NECTIN3: variants seen among roughly 807,000 people sequenced by gnomAD.
NECTIN3 encodes the protein nectin cell adhesion molecule 3.
Under a neutral mutation model 49.4 loss-of-function variants are expected in NECTIN3, and 8 were observed. The observed-to-expected ratio is 0.16, with a 90% CI of 0.10 to 0.29. The LOEUF (loss-of-function observed/expected upper bound fraction) is 0.29, where lower values mean the gene tolerates loss of function less well. Ranked by LOEUF, NECTIN3 falls within the 10% of genes least tolerant of loss-of-function variation. The pLI is 1.00. For synonymous variants in NECTIN3, 277 were observed against 241.1 expected, an observed-to-expected ratio of 1.15 and a Z score of -1.38; for missense variants, 581 against 654.6, an observed-to-expected ratio of 0.89 and a Z score of 1.23.
chr3:111,170,156 G>A (rs539417223), intron 7 of NECTIN3, among the ~76,000 whole-genome samples: 40 of 152,170 alleles, frequency 2.6e-4, no homozygotes, highest in African/African-American at 7.5e-4. Context: ...ATAAATCTCC[G>A]GCTGTGTTCT....
At chr3:111,119,268 A>G (rs2033839961) in intron 3 of NECTIN3, among the ~76,000 whole-genome samples, 1 of 152,144 alleles carries the variant, frequency 6.6e-6, no homozygotes, top group Non-Finnish European at 1.5e-5. Context: ...TCTACATTCT[A>G]ATTAATTGAG....
Position 111,118,840 on chromosome 3 carries a change from C to T in NECTIN3, c.687C>T (p.Ser229=), listed in dbSNP as rs146312631. The T allele has an allele frequency of 2.5e-5, 40 of 1,614,104 alleles. No individual in the cohort carries two copies. The African/African-American group carries it at 4.8e-4, about 19-fold the overall frequency. ...SFPNETATII[S]QYKLFPTRFA... ...CAAATGAAACGGCAACGATTATCAG[C>T]CAGTACAAGCTATTTCCAACCAGAT... Residue 229 remains serine (S), a synonymous_variant, in exon 3 of 6, where the codon AGC becomes AGT. Coordinates refer to ENST00000485303, the MANE Select transcript of NECTIN3 (RefSeq NM_015480.3).
chr3:111,094,075 AAAAC>A (rs1193843978), intron 1 of NECTIN3, among the ~76,000 whole-genome samples: 7 of 152,160 alleles, frequency 4.6e-5, no homozygotes, highest in South Asian at 2.1e-4. Flanking sequence ...GGAAAAGACA[AAAAC>A]AAACTGTGGC....
At chr3:111,185,714 G>C (rs1257373685) in intron 7 of NECTIN3, among the ~76,000 whole-genome samples, 3 of 152,154 alleles carry the variant, frequency 2.0e-5, no homozygotes, top group South Asian at 2.1e-4. Flanking sequence ...AAATGACTGG[G>C]TTTTCTATGA....
At chr3:111,085,576 A>G (rs2031877145) in intron 1 of NECTIN3, among the ~76,000 whole-genome samples, 1 of 152,200 alleles carries the variant, frequency 6.6e-6, no homozygotes, top group Non-Finnish European at 1.5e-5. Context: ...CTCAGTCACA[A>G]ATCCTTTTCT....
chr3:111,134,071 T>A lies in NECTIN3; in HGVS notation c.1506T>A (p.Asn502Lys). 6.2e-7 allele frequency: 1 copy of A among 1,613,630 alleles called. No individual in the cohort carries two copies. The highest frequency in any genetic ancestry group is 8.5e-7 in the Non-Finnish European group (1 of 1,179,690). Residue 502 changes from asparagine (N) to lysine (K), a missense_variant, in exon 6 of 6, where the codon AAT (asparagine) becomes AAA (lysine). Physicochemically the swap from Asn to Lys is moderately conservative, Grantham distance 94 (BLOSUM62 0). Coordinates refer to ENST00000485303, the MANE Select transcript of NECTIN3 (RefSeq NM_015480.3). The stretch of plus-strand genomic sequence containing the variant: ...AGTGGAACAATGTAGAAAATCTCAA[T>A]AGGTTTGAAAGACCAATGGATTATT... ...KTQWNNVENL[N>K]RFERPMDYYE...
chr3:111,178,268 G>A (rs2035566461), intron 7 of NECTIN3, among the ~76,000 whole-genome samples: 1 of 152,132 alleles, frequency 6.6e-6, no homozygotes, highest in Non-Finnish European at 1.5e-5. Flanking sequence ...CCTCATGATA[G>A]CAGCCTGTAT....
intron 7 of NECTIN3, among the ~76,000 whole-genome samples, chr3:111,151,900 C>T (rs920116758): frequency 6.6e-6 from 1 of 151,590 alleles, no homozygotes; most frequent in Non-Finnish European, 1.5e-5. Flanking sequence ...TACAGATAAC[C>T]ACTTTTATTA....
upstream of NECTIN3, among the ~76,000 whole-genome samples, chr3:111,191,819 A>G (rs2107539424): frequency 6.6e-6 from 1 of 152,192 alleles, no homozygotes; most frequent in African/African-American, 2.4e-5. Context: ...TCTGCAGCAG[A>G]TGTTGTCTAT....
intron 4 of NECTIN3, among the ~76,000 whole-genome samples, chr3:111,125,909 T>G (rs1020468707): frequency 5.3e-5 from 8 of 152,118 alleles, no homozygotes; most frequent in Non-Finnish European, 1.0e-4. Flanking sequence ...TTTAATTATA[T>G]TTTTTCTCTG....
At chr3:111,168,883 G>A (rs563672574) in intron 7 of NECTIN3, among the ~76,000 whole-genome samples, 3 of 152,250 alleles carry the variant, frequency 2.0e-5, no homozygotes, top group African/African-American at 7.2e-5. Flanking sequence ...TAGATCGTTA[G>A]ATCTGCATTT....
At chr3:111,165,900 T>A (rs997120862) in intron 7 of NECTIN3, among the ~76,000 whole-genome samples, 1 of 152,200 alleles carries the variant, frequency 6.6e-6, no homozygotes, top group African/African-American at 2.4e-5. Context: ...CAGCTGTAAT[T>A]CAGAAACCAG....
At chr3:111,192,800 T>A (rs2035836643) in intron 1 of NECTIN3, among the ~76,000 whole-genome samples, 1 of 152,166 alleles carries the variant, frequency 6.6e-6, no homozygotes, top group South Asian at 2.1e-4. Context: ...CAGAGCTGAG[T>A]CGAGGTTTCT....
chr3:111,121,429 G>A (rs1212536239), intron 3 of NECTIN3, among the ~76,000 whole-genome samples: 1 of 152,128 alleles, frequency 6.6e-6, no homozygotes, highest in Non-Finnish European at 1.5e-5. Context: ...TATTTATATT[G>A]CTGGTAGATA....
chr3:111,174,648 G>T (rs1269658851), intron 7 of NECTIN3, among the ~76,000 whole-genome samples: 3 of 149,750 alleles, frequency 2.0e-5, no homozygotes, highest in African/African-American at 4.9e-5. Flanking sequence ...AGGGTTCCTT[G>T]ATCCCCCTTG....
At chr3:111,193,525 C>A in intron 1 of NECTIN3, 2 of 914,792 alleles carry the variant, frequency 2.2e-6, no homozygotes, top group Non-Finnish European at 1.6e-6. Flanking sequence ...TGACGTAAAG[C>A]CAATAGCAAA....
chr3:111,179,009 A>G (rs1576182892), intron 7 of NECTIN3, among the ~76,000 whole-genome samples: 1 of 152,346 alleles, frequency 6.6e-6, no homozygotes, highest in East Asian at 1.9e-4. Flanking sequence ...TGGCTGTAAT[A>G]AAACTTGGCT....
chr3:111,111,025 T>G (rs1162391801), intron 1 of NECTIN3, among the ~76,000 whole-genome samples: 1 of 152,136 alleles, frequency 6.6e-6, no homozygotes, highest in Non-Finnish European at 1.5e-5. Flanking sequence ...AGATGTAACT[T>G]TTAAAGGTAT....
chr3:111,141,281 T>A (rs1456707904), downstream of NECTIN3, among the ~76,000 whole-genome samples: 1 of 151,784 alleles, frequency 6.6e-6, no homozygotes, highest in African/African-American at 2.4e-5. Flanking sequence ...TGGGAGCAAA[T>A]CAAAGGTGGG....
Sources: gnomAD v4.1 joint callset for allele counts (sites outside exome capture counted in the v4.1 genomes callset) on GRCh38, gnomAD v4.1.1 for gene constraint, MANE v1.5 for transcripts, NCBI Gene and HGNC (gene_info 2026-07-23, HGNC 2026-07-21) for gene names.